PTPRN2: variants seen among roughly 807,000 people sequenced by gnomAD.
PTPRN2 encodes receptor-type tyrosine-protein phosphatase N2.
A neutral mutation model predicts 118.8 loss-of-function variants in PTPRN2; 74 were observed. The observed-to-expected ratio is 0.62, with a 90% confidence interval of 0.52 to 0.76. The LOEUF (loss-of-function observed/expected upper bound fraction) is 0.76. PTPRN2 is among the 30% of genes least tolerant of loss of function. The probability of loss-of-function intolerance (pLI) is 0.00; values close to 1 mark genes in which losing one functional copy is unlikely to be tolerated. For synonymous variants in PTPRN2, 641 were observed against 608.0 expected, an observed-to-expected ratio of 1.05 and a Z score of -0.80; for missense variants, 1,481 against 1,394.4, an observed-to-expected ratio of 1.06 and a Z score of -0.99.
At chr7:157,657,427 G>A (rs1312237106) in intron 13 of PTPRN2, among the ~76,000 whole-genome samples, 29 of 27,500 alleles carry the variant, frequency 1.1e-3, no homozygotes, top group South Asian at 1.6e-3. Flanking sequence ...ACACACATAC[G>A]CCACACACAC....
chr7:158,061,443 C>A (rs1343481170), intron 11 of PTPRN2, among the ~76,000 whole-genome samples: 1 of 152,242 alleles, frequency 6.6e-6, no homozygotes. Flanking sequence ...ACCCCAGGCA[C>A]AACACAAGCG....
chr7:158,042,601 T>C (rs934945117), intron 11 of PTPRN2, among the ~76,000 whole-genome samples: 2 of 152,224 alleles, frequency 1.3e-5, no homozygotes, highest in Non-Finnish European at 2.9e-5. Flanking sequence ...TTCACGTTTT[T>C]GCTGTGTGCT....
At chr7:157,771,679 A>ACACACACG (rs1491292999) in intron 12 of PTPRN2, among the ~76,000 whole-genome samples, 3 of 151,644 alleles carry the variant, frequency 2.0e-5, no homozygotes, top group Non-Finnish European at 4.4e-5. Flanking sequence ...AAACACACAG[A>ACACACACG]CACACATGCA....
chr7:157,674,325 G>A lies in PTPRN2; in HGVS notation c.2001+8400C>T, dbSNP rs761097462. On this transcript the variant is annotated intron_variant, in intron 13 of 22. Coordinates refer to ENST00000389418, the MANE Select transcript of PTPRN2 (RefSeq NM_002847.5). The surrounding 1 kb of genome is among the most constrained non-coding windows in gnomAD (Gnocchi z 4.5). Reference sequence around the variant, plus strand: ...GGCGAGGGTGGGGGGACTCCTGCTGGAGGCGGCCGGCAGATCAGCCTTCCT... The same window carrying A: ...GGCGAGGGTGGGGGGACTCCTGCTGAAGGCGGCCGGCAGATCAGCCTTCCT... Among the ~76,000 whole-genome samples, 9 of 152,186 alleles carry A rather than the reference G, an allele frequency of 5.9e-5. No homozygotes were observed. Among genetic ancestry groups the A allele is most frequent in the Non-Finnish European group, 7.3e-5 (5 of 68,028 alleles).
At chr7:157,747,781 C>A (rs1252769199) in intron 12 of PTPRN2, among the ~76,000 whole-genome samples, 3 of 124,900 alleles carry the variant, frequency 2.4e-5, no homozygotes, top group African/African-American at 9.5e-5. Context: ...CTGAGGCCTG[C>A]GTCCCTGAGC....
chr7:158,043,176 T>A (rs1436941988), intron 11 of PTPRN2, among the ~76,000 whole-genome samples: 2 of 151,866 alleles, frequency 1.3e-5, no homozygotes, highest in Non-Finnish European at 2.9e-5. Context: ...CAAGACCCCA[T>A]CTCATGAAGA....
chr7:157,740,740 A>T (rs1054205614), intron 12 of PTPRN2, among the ~76,000 whole-genome samples: 3 of 152,202 alleles, frequency 2.0e-5, no homozygotes, highest in African/African-American at 7.2e-5. Context: ...TCCCATCCCG[A>T]TGGGCACTGG....
intron 3 of PTPRN2, among the ~76,000 whole-genome samples, chr7:158,300,212 G>A (rs965173818): frequency 6.6e-6 from 1 of 152,162 alleles, no homozygotes; most frequent in Admixed American, 6.5e-5. Context: ...GGAAATGATT[G>A]TAATTATGAG....
intron 1 of PTPRN2, among the ~76,000 whole-genome samples, chr7:158,580,674 C>T (rs1828581008): frequency 6.6e-6 from 1 of 152,312 alleles, no homozygotes; most frequent in Non-Finnish European, 1.5e-5. Flanking sequence ...AAAGTAATCC[C>T]TCTCTCATCC....
intron 12 of PTPRN2, among the ~76,000 whole-genome samples, chr7:157,790,252 GGGTGTGTGTGT>G (rs1464286510): frequency 6.9e-6 from 1 of 145,742 alleles, no homozygotes; most frequent in Non-Finnish European, 1.5e-5. Flanking sequence ...TCTGTGGTGG[GGGTGTGTGTGT>G]GGTGTTTGTG....
intron 11 of PTPRN2, among the ~76,000 whole-genome samples, chr7:158,025,807 G>A (rs189221343): frequency 2.0e-5 from 3 of 152,334 alleles, no homozygotes; most frequent in Admixed American, 6.5e-5. Flanking sequence ...TAAGAAAAGC[G>A]GCACCCACAC....
intron 14 of PTPRN2, among the ~76,000 whole-genome samples, chr7:157,624,845 TG>T (rs1317795267): frequency 6.6e-6 from 1 of 152,144 alleles, no homozygotes; most frequent in Admixed American, 6.5e-5. Flanking sequence ...TAGCTATAGG[TG>T]TTTTTAAAAC....
In PTPRN2 at chr7:158,397,049, C is replaced by G. The variant is rs116076066; in HGVS notation, c.164-80117G>C. On this transcript the variant is annotated intron_variant, in intron 2 of 22. Transcript: ENST00000389418. ...GAGACCCAGGCCCCGCTGAAGTGCT[C>G]TTTCAATTTGCTCTTTTAATTTGCT... 4.8e-3 allele frequency among the ~76,000 whole-genome samples: 732 copies of G among 152,370 alleles called. 6 individuals are homozygous for G. The highest frequency in any genetic ancestry group is 0.017 in the African/African-American group (699 of 41,582).
chr7:157,949,130 G>T (rs1235935049), intron 11 of PTPRN2, among the ~76,000 whole-genome samples: 2 of 152,104 alleles, frequency 1.3e-5, no homozygotes, highest in Non-Finnish European at 2.9e-5. Flanking sequence ...AAATACCTCT[G>T]TCCCAAGCAT....
intron 6 of PTPRN2, among the ~76,000 whole-genome samples, chr7:158,166,320 C>T (rs62477444): frequency 3.3e-3 from 72 of 22,128 alleles, no homozygotes; most frequent in Non-Finnish European, 3.5e-3. Flanking sequence ...CCGGCCGCCG[C>T]GTTCCCTGTC....
chr7:158,512,879 A>G (rs569822113), intron 1 of PTPRN2, among the ~76,000 whole-genome samples: 2 of 152,370 alleles, frequency 1.3e-5, no homozygotes, highest in Non-Finnish European at 2.9e-5. Context: ...GAACAATGTG[A>G]GCAAACAAAA....
intron 6 of PTPRN2, among the ~76,000 whole-genome samples, chr7:158,152,008 C>T (rs1174908191): frequency 2.0e-5 from 3 of 151,820 alleles, no homozygotes; most frequent in Non-Finnish European, 4.4e-5. Flanking sequence ...CCCGTCTCTA[C>T]TAAAAATACA....
At chr7:158,285,567 C>T (rs960644746) in intron 3 of PTPRN2, among the ~76,000 whole-genome samples, 1 of 152,230 alleles carries the variant, frequency 6.6e-6, no homozygotes, top group Admixed American at 6.5e-5. Context: ...GAGCCCCCTC[C>T]TCTGACACCA....
chr7:158,349,728 G>T (rs1807779070), intron 2 of PTPRN2, among the ~76,000 whole-genome samples: 2 of 98,360 alleles, frequency 2.0e-5, no homozygotes, highest in Admixed American at 2.0e-4. Context: ...ACGTCACTGT[G>T]CTCCCTGGGT....
Sources: allele counts gnomAD v4.1 joint callset (sites outside exome capture counted in the v4.1 genomes callset), GRCh38; gene constraint gnomAD v4.1.1; non-coding constraint Gnocchi (gnomAD v3.1); transcripts MANE v1.5; gene names NCBI Gene and HGNC (gene_info 2026-07-23, HGNC 2026-07-21).